TACC2: variants seen among roughly 807,000 people sequenced by gnomAD.
TACC2 encodes transforming acidic coiled-coil-containing protein 2.
TACC2 carries 137 observed loss-of-function variants against 227.3 expected under a neutral mutation model. The ratio of observed to expected loss-of-function variants is 0.60; its 90% CI spans 0.52 to 0.69. The LOEUF (loss-of-function observed/expected upper bound fraction) is 0.69. TACC2 is among the 30% of genes least tolerant of loss of function. The pLI is 0.00. For missense variants in TACC2, 3,470 were observed against 3,694.4 expected, an observed-to-expected ratio of 0.94 and a Z score of 1.57; for synonymous variants, 1,523 against 1,487.5, an observed-to-expected ratio of 1.02 and a Z score of -0.55.
At chr10:122,143,900 T>C (rs978664458) in intron 7 of TACC2, among the ~76,000 whole-genome samples, 194 bp downstream of exon 7, 1 of 152,164 alleles carries the variant, frequency 6.6e-6, no homozygotes, top group African/African-American at 2.4e-5. Flanking sequence ...CTGCTCCTCA[T>C]GTCACAGTGG....
chr10:122,021,603 A>G (rs1420597459), intron 1 of TACC2, among the ~76,000 whole-genome samples: 1 of 152,174 alleles, frequency 6.6e-6, no homozygotes, highest in African/African-American at 2.4e-5. Flanking sequence ...AGCATTCCTC[A>G]GGCCCTTTGG....
At chr10:122,103,336 G>T (rs79441656) in intron 5 of TACC2, among the ~76,000 whole-genome samples, 3,942 of 152,180 alleles carry the variant, frequency 0.026, 185 homozygotes, top group African/African-American at 0.09. Context: ...GTGGCCTCCG[G>T]GTGAGTTCAC....
Position 122,087,251 on chromosome 10 carries a change from A to G in TACC2, c.4751A>G (p.His1584Arg), listed in dbSNP as rs2080187862. 6 of 1,613,790 alleles carry G rather than the reference A, an allele frequency of 3.7e-6. No individual in the cohort carries two copies. Among genetic ancestry groups the G allele is most frequent in the Non-Finnish European group, 5.1e-6 (6 of 1,180,028 alleles). The change falls in exon 4 of 23, where the codon CAT (histidine) becomes CGT (arginine). Residue 1584 changes from histidine (H) to arginine (R), a missense_variant. By Grantham distance (29) the His-to-Arg change is conservative. Coordinates refer to ENST00000369005, the MANE Select transcript of TACC2 (RefSeq NM_206862.4). ...AAAFQVAPHS[H>R]GEEAVAQDRI... The stretch of plus-strand genomic sequence containing the variant: ...GCCTTCCAGGTGGCTCCCCATAGCC[A>G]TGGAGAAGAGGCCGTGGCCCAAGAC...
intron 5 of TACC2, among the ~76,000 whole-genome samples, chr10:122,117,651 C>T (rs144271486): frequency 4.6e-5 from 7 of 152,272 alleles, no homozygotes; most frequent in East Asian, 3.9e-4. Flanking sequence ...TTTACAGTCC[C>T]GCTAATTCTT....
At chr10:122,060,977 C>T (rs1281481111) in intron 3 of TACC2, among the ~76,000 whole-genome samples, 5 of 133,720 alleles carry the variant, frequency 3.7e-5, no homozygotes, top group Admixed American at 1.6e-4. Context: ...TGCACTCCAG[C>T]CTGGGCAACA....
chr10:122,191,579 C>T (rs1424161250), intron 7 of TACC2, among the ~76,000 whole-genome samples: 5 of 152,114 alleles, frequency 3.3e-5, no homozygotes, highest in South Asian at 2.1e-4. Flanking sequence ...TATGTTGGGC[C>T]GCATTCAAAG....
chr10:122,169,439 C>T (rs1361644560), intron 7 of TACC2, among the ~76,000 whole-genome samples: 1 of 152,182 alleles, frequency 6.6e-6, no homozygotes, highest in Non-Finnish European at 1.5e-5. Context: ...CCTCATAGTA[C>T]ATATTTTAGG....
At chr10:122,054,928 A>T (rs2076070006) in intron 3 of TACC2, among the ~76,000 whole-genome samples, 1 of 152,024 alleles carries the variant, frequency 6.6e-6, no homozygotes, top group African/African-American at 2.4e-5. Flanking sequence ...TTGGTGTTTT[A>T]AGAAGGGTGG....
intron 5 of TACC2, among the ~76,000 whole-genome samples, chr10:122,109,428 C>G (rs1209116883): frequency 6.6e-6 from 1 of 152,122 alleles, no homozygotes; most frequent in Admixed American, 6.6e-5. Flanking sequence ...GGAGCCAGGC[C>G]CAGGAATTTG....
chr10:122,224,460 G>A (rs1029690296), intron 11 of TACC2, among the ~76,000 whole-genome samples: 11 of 152,156 alleles, frequency 7.2e-5, no homozygotes, highest in African/African-American at 1.9e-4. Flanking sequence ...GTGCTTGGTC[G>A]TGCCATGGAA....
At chr10:122,213,442 T>C in intron 9 of TACC2, 2 of 1,551,186 alleles carry the variant, frequency 1.3e-6, no homozygotes, top group South Asian at 1.1e-5. Flanking sequence ...CTTTTGTTTC[T>C]GCTTCCAAGC....
intron 5 of TACC2, among the ~76,000 whole-genome samples, chr10:122,130,621 T>C (rs2087875402): frequency 6.6e-6 from 1 of 152,084 alleles, no homozygotes; most frequent in African/African-American, 2.4e-5. Context: ...CAAAGCCAAG[T>C]GTGGAGATTA....
intron 2 of TACC2, among the ~76,000 whole-genome samples, chr10:122,044,599 A>C (rs2074748929): frequency 6.6e-6 from 1 of 152,170 alleles, no homozygotes; most frequent in Non-Finnish European, 1.5e-5. Flanking sequence ...TAACCATGTT[A>C]ATTAAGCATG....
At chr10:122,131,304 A>G (rs2088057069) in intron 5 of TACC2, among the ~76,000 whole-genome samples, 1 of 152,110 alleles carries the variant, frequency 6.6e-6, no homozygotes, top group African/African-American at 2.4e-5. Context: ...GGATCTGATC[A>G]AGGAGTGGAA....
chr10:122,085,735 A>G lies in TACC2; in HGVS notation c.3235A>G (p.Thr1079Ala), dbSNP rs1280024053. 3 of 1,613,632 alleles carry G rather than the reference A, an allele frequency of 1.9e-6. No individual in the cohort carries two copies. In the African/African-American group the frequency reaches 4.0e-5, roughly 22 times the overall value. Residue 1079 changes from threonine (T) to alanine (A), a missense_variant, in exon 4 of 23, where the codon ACA (threonine) becomes GCA (alanine). This residue lies in a region of TACC2 where 1,924 missense variants were observed against 1,978.3 expected (regional missense o/e 0.97). Coordinates refer to ENST00000369005, the MANE Select transcript of TACC2 (RefSeq NM_206862.4). ...CACACCCACCCAGGATGCCCCAGAGACAGAGGCATGTGATGAAACCCAGGA... is the reference window on the plus strand; with the variant it reads ...CACACCCACCCAGGATGCCCCAGAGGCAGAGGCATGTGATGAAACCCAGGA... ...GVTPTQDAPE[T>A]EACDETQEGR... is the part of the protein sequence containing the mutation.
chr10:122,069,774 C>G (rs919599621), intron 3 of TACC2, among the ~76,000 whole-genome samples: 1 of 152,080 alleles, frequency 6.6e-6, no homozygotes, highest in Non-Finnish European at 1.5e-5. Flanking sequence ...GTGGGGAGAC[C>G]CTTCTAGAAA....
intron 5 of TACC2, among the ~76,000 whole-genome samples, chr10:122,106,066 C>T (rs2082762367): frequency 6.6e-6 from 1 of 150,580 alleles, no homozygotes; most frequent in African/African-American, 2.5e-5. Flanking sequence ...CGGCTCACTG[C>T]AGCCTCCGCC....
At chr10:122,177,453 C>A (rs2093772664) in intron 7 of TACC2, among the ~76,000 whole-genome samples, 1 of 152,036 alleles carries the variant, frequency 6.6e-6, no homozygotes, top group African/African-American at 2.4e-5. Flanking sequence ...CCTATAATCC[C>A]AGCTGCTTGG....
chr10:122,218,001 A>G (rs1256992909), intron 11 of TACC2, among the ~76,000 whole-genome samples: 1 of 151,190 alleles, frequency 6.6e-6, no homozygotes, highest in African/African-American at 2.4e-5. Context: ...CTGGAGTGCA[A>G]TGATGTGATC....
Sources: gnomAD v4.1 joint callset for allele counts (sites outside exome capture counted in the v4.1 genomes callset) on GRCh38, gnomAD v4.1.1 for gene constraint, gnomAD v4.1.1 regional missense constraint, MANE v1.5 for transcripts, NCBI Gene and HGNC (gene_info 2026-07-23, HGNC 2026-07-21) for gene names.